Variants in TRIO observed in about 807,000 individuals in gnomAD.
The protein encoded by TRIO is trio Rho guanine nucleotide exchange factor.
A neutral mutation model predicts 351.9 loss-of-function variants in TRIO; 58 were observed. The observed-to-expected ratio is 0.16, with a 90% CI of 0.13 to 0.21. The LOEUF (loss-of-function observed/expected upper bound fraction) is 0.21. Ranked by LOEUF, TRIO falls within the 10% of genes least tolerant of loss-of-function variation. The pLI is 1.00. For missense variants in TRIO, 3,201 were observed against 4,027.8 expected, an observed-to-expected ratio of 0.79 and a Z score of 5.56; for synonymous variants, 1,758 against 1,595.7, an observed-to-expected ratio of 1.10 and a Z score of -2.42.
At chr5:14,375,809 A>G (rs1360403024) in intron 19 of TRIO, among the ~76,000 whole-genome samples, 2 of 152,298 alleles carry the variant, frequency 1.3e-5, no homozygotes, top group Non-Finnish European at 2.9e-5. Context: ...GCGTTATCTC[A>G]TATTCATTTT....
intron 10 of TRIO, among the ~76,000 whole-genome samples, chr5:14,331,861 T>A (rs1355899195): frequency 6.6e-6 from 1 of 152,198 alleles, no homozygotes; most frequent in Non-Finnish European, 1.5e-5. Flanking sequence ...TGCTAATTGA[T>A]GTGTATGTGT....
intron 20 of TRIO, among the ~76,000 whole-genome samples, chr5:14,378,640 A>G: frequency 6.6e-6 from 1 of 151,714 alleles, no homozygotes; most frequent in East Asian, 1.9e-4. Context: ...GCTTACTGCA[A>G]CCTCTGTCTC....
rs750801236 is a variant in TRIO at position 14,485,054 on chromosome 5, T to G, written c.6658-15T>G. Reference sequence around the variant, plus strand: ...ACCTGTTAGCTATTATGAATAATGTTTTTTTTTTTTTAAGGTGAGTTGCCT... The same window carrying G: ...ACCTGTTAGCTATTATGAATAATGTGTTTTTTTTTTTAAGGTGAGTTGCCT... On this transcript the variant is annotated splice_polypyrimidine_tract_variant and intron_variant, in intron 46 of 56. Transcript: ENST00000344204. 6 of 1,448,892 alleles carry G rather than the reference T, an allele frequency of 4.1e-6. No homozygotes were observed. Among genetic ancestry groups the G allele is most frequent in the Non-Finnish European group, 5.6e-6 (6 of 1,071,728 alleles). 89.8% of individuals were successfully genotyped at this position (1,448,892 alleles called of 1,614,324 possible). A position where few individuals can be genotyped will look rare whatever the true frequency, so the allele number is the denominator to read the frequency against.
intron 1 of TRIO, among the ~76,000 whole-genome samples, chr5:14,172,272 G>A (rs1002606763): frequency 1.3e-5 from 2 of 152,208 alleles, no homozygotes; most frequent in Non-Finnish European, 2.9e-5. Context: ...TAGCCAAGCA[G>A]TACTTGCCCC....
intron 53 of TRIO, among the ~76,000 whole-genome samples, chr5:14,502,054 G>A (rs1476447393): frequency 6.6e-6 from 1 of 152,198 alleles, no homozygotes; most frequent in Non-Finnish European, 1.5e-5. Context: ...GTGTATTTAT[G>A]ATTCATTAAC....
At chr5:14,459,244 C>T (rs1753595865) in intron 34 of TRIO, among the ~76,000 whole-genome samples, 1 of 152,238 alleles carries the variant, frequency 6.6e-6, no homozygotes, top group African/African-American at 2.4e-5. Context: ...CCGCTGCCAA[C>T]TCTGCTCCTG....
intron 6 of TRIO, among the ~76,000 whole-genome samples, chr5:14,296,506 G>A (rs555368443): frequency 2.2e-4 from 33 of 152,202 alleles, no homozygotes; most frequent in Non-Finnish European, 4.3e-4. Flanking sequence ...GCATAGCGTT[G>A]TTGTGTTTTT....
intron 20 of TRIO, among the ~76,000 whole-genome samples, chr5:14,378,761 T>C (rs1199504214): frequency 6.6e-6 from 1 of 152,116 alleles, no homozygotes; most frequent in Non-Finnish European, 1.5e-5. Flanking sequence ...GGTTTCACCA[T>C]GTTGGCCAGC....
chr5:14,191,534 TA>T (rs35519870), intron 1 of TRIO, among the ~76,000 whole-genome samples: 94,721 of 135,226 alleles, frequency 0.7, 34,953 homozygotes, highest in East Asian at 0.98. Context: ...CCTGTTTCTT[TA>T]AAAAAAAAAA....
chr5:14,337,458 T>C (rs559989215), intron 11 of TRIO, among the ~76,000 whole-genome samples: 12 of 152,304 alleles, frequency 7.9e-5, no homozygotes, highest in African/African-American at 2.9e-4. Flanking sequence ...GAAAATTCCC[T>C]GCGTCACTGA....
At chr5:14,472,445 G>T in intron 38 of TRIO, 147 bp from the exon 39 acceptor site, 1 of 820,714 alleles carries the variant, frequency 1.2e-6, no homozygotes, top group Non-Finnish European at 1.9e-6. Context: ...AAGTGATTTG[G>T]GACTCTCCAG....
chr5:14,499,463 G>T (rs1384477402), intron 53 of TRIO, among the ~76,000 whole-genome samples: 2 of 152,174 alleles, frequency 1.3e-5, no homozygotes, highest in African/African-American at 4.8e-5. Context: ...TGCCTCCAGA[G>T]GACAAATAAA....
At chr5:14,162,687 A>G (rs1788540932) in intron 1 of TRIO, among the ~76,000 whole-genome samples, 1 of 152,192 alleles carries the variant, frequency 6.6e-6, no homozygotes, top group South Asian at 2.1e-4. Flanking sequence ...CTTGATGATA[A>G]TCGTATTCCT....
chr5:14,351,883 G>A (rs1743163367), intron 11 of TRIO, among the ~76,000 whole-genome samples: 1 of 152,218 alleles, frequency 6.6e-6, no homozygotes, highest in Non-Finnish European at 1.5e-5. Context: ...GACTTAACTG[G>A]AGGCTTGGTC....
intron 9 of TRIO, among the ~76,000 whole-genome samples, chr5:14,320,203 T>C (rs1206573888): frequency 2.0e-5 from 3 of 152,224 alleles, no homozygotes. Flanking sequence ...AATAAATGAA[T>C]AGCTGTGTTA....
intron 34 of TRIO, among the ~76,000 whole-genome samples, chr5:14,421,227 A>ATTTTAT (rs1276372956): frequency 1.8e-4 from 21 of 118,078 alleles, no homozygotes; most frequent in South Asian, 2.8e-4. Flanking sequence ...TTATTTATTT[A>ATTTTAT]TTTATTTTAT....
chr5:14,339,166 G>T (rs1741707383), intron 11 of TRIO, among the ~76,000 whole-genome samples: 1 of 151,400 alleles, frequency 6.6e-6, no homozygotes, highest in Admixed American at 6.6e-5. Context: ...GAGCTCAGAA[G>T]GTGAAAGTTG....
intron 48 of TRIO, among the ~76,000 whole-genome samples, chr5:14,489,485 GCAGTCAACC>G (rs1460486436): frequency 2.0e-5 from 3 of 152,198 alleles, no homozygotes; most frequent in Non-Finnish European, 4.4e-5. Context: ...GTGGGGAGAT[GCAGTCAACC>G]CAGTGACGGG....
rs1285404932 is a variant in TRIO at position 14,335,424 on chromosome 5, G to A, written c.1855-1112G>A. Among the ~76,000 whole-genome samples the A allele has an allele frequency of 2.6e-5, 4 of 152,200 alleles. No individual in the cohort carries two copies. The South Asian group carries it at 8.3e-4, about 32-fold the overall frequency. On this transcript the variant is annotated intron_variant, in intron 10 of 56. Transcript: ENST00000344204. ...GGCCTTCTTAGAAGGCCTGAGCTCC[G>A]TTCCTTTCCTGTCCTGGCATCCCCC...
Sources: allele counts gnomAD v4.1 joint callset (sites outside exome capture counted in the v4.1 genomes callset), GRCh38; gene constraint gnomAD v4.1.1; transcripts MANE v1.5; gene names NCBI Gene and HGNC (gene_info 2026-07-23, HGNC 2026-07-21).